The following DNAI7 variants were observed in gnomAD, a reference collection of about 807,000 sequenced individuals.
DNAI7 encodes the protein cancer susceptibility 1.
Under a neutral mutation model 86.6 loss-of-function variants are expected in DNAI7, and 78 were observed. The ratio of observed to expected loss-of-function variants is 0.90; its 90% CI spans 0.75 to 1.09. DNAI7 has a LOEUF of 1.09. Ranked by LOEUF, DNAI7 falls within the 50% of genes least tolerant of loss-of-function variation. The pLI is 0.00. For synonymous variants in DNAI7, 274 were observed against 273.0 expected (o/e 1.00, Z -0.04); for missense variants, 753 against 810.2 (o/e 0.93, Z 0.86).
chr12:25,123,174 C>A, intron 10 of DNAI7, 37 bp downstream of exon 10: 1 of 1,335,340 alleles, frequency 7.5e-7, no homozygotes, highest in Non-Finnish European at 1.0e-6. Context: ...AAGAAAATCT[C>A]AATAAAGTTA....
At chr12:25,145,002 A>G (rs563562293) in intron 8 of DNAI7, among the ~76,000 whole-genome samples, 1 of 152,252 alleles carries the variant, frequency 6.6e-6, no homozygotes, top group African/African-American at 2.4e-5. Flanking sequence ...CTCCCTCAAC[A>G]TACACTCTCT....
At chr12:25,139,326 G>A (rs572799677) in intron 9 of DNAI7, among the ~76,000 whole-genome samples, 1 of 152,170 alleles carries the variant, frequency 6.6e-6, no homozygotes, top group African/African-American at 2.4e-5. Context: ...ATTCCAAAAG[G>A]TAGAGAAAGA....
intron 12 of DNAI7, among the ~76,000 whole-genome samples, chr12:25,115,945 C>T (rs754720057): frequency 1.3e-5 from 2 of 152,304 alleles, no homozygotes; most frequent in South Asian, 2.1e-4. Context: ...CCATCTGTGT[C>T]GTGCTCTATA....
chr12:25,142,632 T>C (rs1363256926), intron 9 of DNAI7, among the ~76,000 whole-genome samples: 1 of 152,234 alleles, frequency 6.6e-6, no homozygotes, highest in African/African-American at 2.4e-5. Context: ...ATTTTATGGT[T>C]CCAAATTATT....
chr12:25,137,211 G>A (rs1163978511), intron 9 of DNAI7, among the ~76,000 whole-genome samples: 1 of 151,968 alleles, frequency 6.6e-6, no homozygotes, highest in Non-Finnish European at 1.5e-5. Context: ...ATGCTAGAAG[G>A]GATTGGGGTC....
Position 25,108,415 on chromosome 12 carries a change from G to A in DNAI7, c.*133C>T. ...CTGTTTTTAAAATAAAACTTGAGTA[G>A]AAAATGCAGATTAGAAAATTTTTAA... is the stretch of plus-strand genomic sequence containing the variant. On this transcript the variant is annotated 3_prime_UTR_variant, in exon 16 of 16. Coordinates refer to ENST00000395987, the MANE Select transcript of DNAI7 (RefSeq NM_018272.5). 2.6e-6 allele frequency: 2 copies of A among 772,214 alleles called. No homozygotes were observed. Among genetic ancestry groups the A allele is most frequent in the Non-Finnish European group, 3.9e-6 (2 of 519,454 alleles). The allele number at this position is 772,214 out of a possible 1,614,324, so 47.8% of individuals were successfully genotyped here.
chr12:25,173,973 A>G (rs147812662), intron 2 of DNAI7, among the ~76,000 whole-genome samples: 101 of 147,792 alleles, frequency 6.8e-4, no homozygotes, highest in African/African-American at 2.3e-3. Flanking sequence ...TATATGGAAT[A>G]CATATATCAT....
At chr12:25,120,339 A>AGAGG (rs1941053739) in intron 11 of DNAI7, among the ~76,000 whole-genome samples, 1 of 149,234 alleles carries the variant, frequency 6.7e-6, no homozygotes, top group Non-Finnish European at 1.5e-5. Context: ...AGAGAGAGAG[A>AGAGG]GAGGAAGGAA....
intron 7 of DNAI7, 28 bp from the exon 8 acceptor site, chr12:25,147,132 A>G (rs1472412830): frequency 7.3e-6 from 8 of 1,101,098 alleles, no homozygotes; most frequent in Middle Eastern, 2.0e-4. Context: ...AACATTATAA[A>G]GGGCCACAGG....
chr12:25,128,686 A>G (rs1367004763), intron 9 of DNAI7, among the ~76,000 whole-genome samples: 1 of 152,188 alleles, frequency 6.6e-6, no homozygotes, highest in Non-Finnish European at 1.5e-5. Flanking sequence ...ATTTCTCAAA[A>G]TAAAAACTCA....
At chr12:25,130,486 G>A (rs916759841) in intron 9 of DNAI7, among the ~76,000 whole-genome samples, 5 of 151,160 alleles carry the variant, frequency 3.3e-5, no homozygotes, top group African/African-American at 9.7e-5. Context: ...GCAGTGAGCC[G>A]AGATAGCGCC....
At chr12:25,195,003 T>C (rs1950923444) in intron 1 of DNAI7, 73 bp downstream of exon 1, 1 of 1,614,148 alleles carries the variant, frequency 6.2e-7, no homozygotes, top group Non-Finnish European at 8.5e-7. Flanking sequence ...GGCTCTTGAT[T>C]ACATTATTTA....
rs550502368 is a variant in DNAI7, at chr12:25,181,051, G to T, written c.21+9563C>A. Among the ~76,000 whole-genome samples, 95 of 152,086 alleles carry T rather than the reference G, an allele frequency of 6.2e-4. 1 individual carries two copies. Among genetic ancestry groups the T allele is most frequent in the Non-Finnish European group, 2.2e-4 (15 of 68,010 alleles). On this transcript the variant is annotated intron_variant, in intron 2 of 15. Transcript: ENST00000395987. ...TCGAACTCCTGACCTCAGATGATCC[G>T]CCTGCCTTGGCCTCCCAAAGTGCTG...
At chr12:25,149,564 T>C in intron 7 of DNAI7, 64 bp downstream of exon 7, 1 of 1,189,274 alleles carries the variant, frequency 8.4e-7, no homozygotes. Context: ...AATACTGGAT[T>C]ATTTTATAAC....
intron 9 of DNAI7, among the ~76,000 whole-genome samples, chr12:25,126,466 G>A (rs2140524769): frequency 6.6e-6 from 1 of 152,222 alleles, no homozygotes; most frequent in East Asian, 1.9e-4. Flanking sequence ...GAAGCAACCA[G>A]GGCCACTAGA....
At chr12:25,170,644 C>T (rs891756141) in intron 2 of DNAI7, among the ~76,000 whole-genome samples, 4 of 152,124 alleles carry the variant, frequency 2.6e-5, no homozygotes, top group Admixed American at 2.6e-4. Flanking sequence ...CAGGTATATA[C>T]AGAACATTCC....
rs753021563 is a variant in DNAI7 at position 25,108,613 on chromosome 12, T to G, written c.2104A>C (p.Asn702His). ...EEAMEKVRSSNCQFVNSVCHM... is the reference protein window; with the variant it reads ...EEAMEKVRSSHCQFVNSVCHM... ...CACACAGAGTTGACAAACTGACAGT[T>G]GGAACTCCTGACTTTCTCCATTGCT... is the stretch of plus-strand genomic sequence containing the variant. The change falls in exon 16 of 16, where the codon AAC becomes CAC. Residue 702 changes from asparagine to histidine, a missense_variant. Physicochemically the swap from Asn to His is moderately conservative, Grantham distance 68. Transcript: ENST00000395987. 6.2e-7 allele frequency: 1 copy of G among 1,613,848 alleles called. No individual in the cohort carries two copies. Among genetic ancestry groups the G allele is most frequent in the Admixed American group, 1.7e-5 (1 of 59,986 alleles).
Position 25,174,174 on chromosome 12 carries a change from T to G in DNAI7, c.22-12977A>C, listed in dbSNP as rs1008045672. ...ATGTGCTTGAGTTTGTTGCAGATTC[T>G]GGATATTAGTCCTTTGTCAGATGTA... is the stretch of plus-strand genomic sequence containing the variant. On this transcript the variant is annotated intron_variant, in intron 2 of 15. Coordinates refer to ENST00000395987, the MANE Select transcript of DNAI7 (RefSeq NM_018272.5). Among the ~76,000 whole-genome samples, 10 of 148,402 alleles carry G rather than the reference T, an allele frequency of 6.7e-5. No individual in the cohort carries two copies. In the Admixed American group the frequency reaches 6.8e-4, roughly 10 times the overall value.
chr12:25,147,918 A>G (rs1301123895), intron 7 of DNAI7, among the ~76,000 whole-genome samples: 1 of 152,222 alleles, frequency 6.6e-6, no homozygotes, highest in African/African-American at 2.4e-5. Flanking sequence ...TTAATATCCA[A>G]TATTAACCAT....
Sources: allele counts gnomAD v4.1 joint callset (sites outside exome capture counted in the v4.1 genomes callset), GRCh38; gene constraint gnomAD v4.1.1; transcripts MANE v1.5; gene names NCBI Gene and HGNC (gene_info 2026-07-23, HGNC 2026-07-21).